The following ERC2 variants were observed in gnomAD, a reference collection of about 807,000 sequenced individuals.
The protein encoded by ERC2 is ERC protein 2.
In ERC2, 42 loss-of-function variants were observed where a neutral mutation model predicts 114.8. That is an observed-to-expected ratio of 0.37 (90% CI 0.29 to 0.47). The LOEUF (loss-of-function observed/expected upper bound fraction) is 0.47, where lower values mean the gene tolerates loss of function less well. Ranked by LOEUF, ERC2 falls within the 20% of genes least tolerant of loss-of-function variation. The probability of loss-of-function intolerance (pLI) is 0.99; values close to 1 mark genes in which losing one functional copy is unlikely to be tolerated. For synonymous variants in ERC2, 454 were observed against 425.5 expected, an observed-to-expected ratio of 1.07 and a Z score of -0.82; for missense variants, 939 against 1,150.7, an observed-to-expected ratio of 0.82 and a Z score of 2.66.
At chr3:56,437,991 G>A (rs1310965033) in intron 1 of ERC2, among the ~76,000 whole-genome samples, 2 of 152,168 alleles carry the variant, frequency 1.3e-5, no homozygotes, top group Non-Finnish European at 2.9e-5. Context: ...ACCAGTGGTG[G>A]AATTCCAAGA....
intron 6 of ERC2, among the ~76,000 whole-genome samples, chr3:56,123,957 A>T (rs114587466): frequency 0.01 from 1,549 of 152,322 alleles, 32 homozygotes; most frequent in African/African-American, 0.035. Context: ...TTTCTCAGCC[A>T]ATTTGTATTA....
At chr3:55,755,659 T>C (rs2067005083) in intron 14 of ERC2, among the ~76,000 whole-genome samples, 1 of 152,160 alleles carries the variant, frequency 6.6e-6, no homozygotes, top group Non-Finnish European at 1.5e-5. Flanking sequence ...CTTTGAACAC[T>C]GAATCATGGG....
intron 3 of ERC2, among the ~76,000 whole-genome samples, chr3:56,220,051 A>C (rs1377951288): frequency 6.6e-6 from 1 of 152,178 alleles, no homozygotes. Context: ...TAATACGACA[A>C]ACAAAAGCAG....
At chr3:55,918,608 C>T (rs962743689) in intron 13 of ERC2, among the ~76,000 whole-genome samples, 1 of 151,960 alleles carries the variant, frequency 6.6e-6, no homozygotes, top group African/African-American at 2.4e-5. Flanking sequence ...GTGTGCATTT[C>T]AGAGTCAAAG....
At chr3:55,848,083 C>T (rs1435023471) in intron 14 of ERC2, among the ~76,000 whole-genome samples, 2 of 152,004 alleles carry the variant, frequency 1.3e-5, no homozygotes, top group East Asian at 3.9e-4. Flanking sequence ...AGGCATGAGC[C>T]ACCAAGCCCC....
At chr3:55,595,247 A>T (rs2058075632) in intron 17 of ERC2, among the ~76,000 whole-genome samples, 1 of 152,248 alleles carries the variant, frequency 6.6e-6, no homozygotes, top group Admixed American at 6.5e-5. Context: ...AATGTCAACC[A>T]AAAGATTGAG....
chr3:55,833,926 A>C lies in ERC2; in HGVS notation c.2564+54463T>G, dbSNP rs547670603. On this transcript the variant is annotated intron_variant, in intron 14 of 17. Coordinates refer to ENST00000288221, the MANE Select transcript of ERC2 (RefSeq NM_015576.3). ...AAGGATGGAGGAAGATCTACCAAGCAAATGGAAAACAAAAAAAGGCAGGGG... is the reference window on the plus strand; with the variant it reads ...AAGGATGGAGGAAGATCTACCAAGCCAATGGAAAACAAAAAAAGGCAGGGG... Among the ~76,000 whole-genome samples, 54 of 152,166 alleles carry C rather than the reference A, an allele frequency of 3.5e-4. 1 individual carries two copies. The highest frequency in any genetic ancestry group is 1.7e-3 in the South Asian group (8 of 4,814).
At chr3:55,663,014 G>A (rs2148712932) in intron 17 of ERC2, among the ~76,000 whole-genome samples, 1 of 152,148 alleles carries the variant, frequency 6.6e-6, no homozygotes, top group East Asian at 1.9e-4. Flanking sequence ...AAAACAAATG[G>A]CACTATTAAA....
At chr3:55,906,188 CA>C (rs2064424603) in intron 13 of ERC2, among the ~76,000 whole-genome samples, 2 of 71,742 alleles carry the variant, frequency 2.8e-5, no homozygotes, top group African/African-American at 4.6e-5. Flanking sequence ...AAAGTAGTGG[CA>C]GGGGGGGCCG....
At chr3:56,147,902 T>C (rs2081226823) in intron 5 of ERC2, among the ~76,000 whole-genome samples, 1 of 152,176 alleles carries the variant, frequency 6.6e-6, no homozygotes, top group Non-Finnish European at 1.5e-5. Context: ...AGGTGCTTGG[T>C]CCATTTAAAG....
At chr3:56,199,997 G>T (rs992124337) in intron 3 of ERC2, among the ~76,000 whole-genome samples, 2 of 152,126 alleles carry the variant, frequency 1.3e-5, no homozygotes, top group Non-Finnish European at 2.9e-5. Context: ...TTAGGACATG[G>T]TTATAAATAG....
At chr3:55,732,681 A>C (rs534130832) in intron 15 of ERC2, among the ~76,000 whole-genome samples, 1 of 152,334 alleles carries the variant, frequency 6.6e-6, no homozygotes, top group South Asian at 2.1e-4. Flanking sequence ...ATCTAAGAGA[A>C]AGAAAGGAAA....
At chr3:55,940,958 G>C (rs555743099) in intron 13 of ERC2, among the ~76,000 whole-genome samples, 1 of 152,326 alleles carries the variant, frequency 6.6e-6, no homozygotes, top group Non-Finnish European at 1.5e-5. Flanking sequence ...CCACTCAGGA[G>C]AAAGAAAGGT....
chr3:55,907,418 G>C lies in ERC2; in HGVS notation c.2404-18869C>G, dbSNP rs1482480341. Among the ~76,000 whole-genome samples, 8 of 152,304 alleles carry C rather than the reference G, an allele frequency of 5.3e-5. No homozygotes were observed. In the South Asian group the frequency reaches 1.2e-3, roughly 24 times the overall value. ...CTTGTGAGGATTATGTGAGATTGCA[G>C]GATAAAGTGTCTAGAATAGCATCAG... is the stretch of plus-strand genomic sequence containing the variant. On this transcript the variant is annotated intron_variant, in intron 13 of 17. Coordinates refer to ENST00000288221, the MANE Select transcript of ERC2 (RefSeq NM_015576.3).
intron 1 of ERC2, among the ~76,000 whole-genome samples, chr3:56,459,311 T>C (rs1182221605): frequency 2.0e-5 from 3 of 152,238 alleles, no homozygotes; most frequent in Non-Finnish European, 4.4e-5. Flanking sequence ...GATCTGAGCA[T>C]ATTCTTAAAG....
chr3:55,672,449 T>C (rs2061602530), intron 17 of ERC2, among the ~76,000 whole-genome samples: 1 of 152,126 alleles, frequency 6.6e-6, no homozygotes, highest in South Asian at 2.1e-4. Context: ...AGTCACATGT[T>C]TGAAGTTCAC....
chr3:55,964,338 G>A (rs370962489), intron 12 of ERC2, among the ~76,000 whole-genome samples: 100 of 152,216 alleles, frequency 6.6e-4, no homozygotes, highest in African/African-American at 2.2e-3. Context: ...CAAAGATCAT[G>A]GCATCTATTA....
At chr3:56,082,841 G>T (rs2077308645) in intron 6 of ERC2, among the ~76,000 whole-genome samples, 1 of 152,138 alleles carries the variant, frequency 6.6e-6, no homozygotes, top group Non-Finnish European at 1.5e-5. Context: ...TGCCAGATCA[G>T]CAGTGACACT....
intron 7 of ERC2, among the ~76,000 whole-genome samples, chr3:56,027,927 G>A (rs933337342): frequency 2.0e-5 from 3 of 152,040 alleles, no homozygotes; most frequent in African/African-American, 4.8e-5. Context: ...ATACTTTCAT[G>A]TTTTACATTT....
Sources: gnomAD v4.1 joint callset for allele counts (sites outside exome capture counted in the v4.1 genomes callset) on GRCh38, gnomAD v4.1.1 for gene constraint, MANE v1.5 for transcripts, NCBI Gene and HGNC (gene_info 2026-07-23, HGNC 2026-07-21) for gene names.